Variants in USP42 observed in about 807,000 individuals in gnomAD.
USP42 encodes ubiquitin carboxyl-terminal hydrolase 42.
A neutral mutation model predicts 113.0 loss-of-function variants in USP42; 23 were observed. That is an observed-to-expected ratio of 0.20 (90% confidence interval 0.15 to 0.29). The LOEUF (loss-of-function observed/expected upper bound fraction) is 0.29, where lower values mean the gene tolerates loss of function less well. Ranked by LOEUF, USP42 falls within the 10% of genes least tolerant of loss-of-function variation. The pLI, the probability that USP42 is intolerant of heterozygous loss-of-function variation, is 1.00. For missense variants in USP42, 2,174 were observed against 1,779.8 expected (o/e 1.22, Z -3.99); for synonymous variants, 933 against 699.0 (o/e 1.33, Z -5.28).
intron 3 of USP42, 148 bp downstream of exon 3, chr7:6,115,671 A>C (rs1779872283): frequency 1.0e-6 from 1 of 966,860 alleles, no homozygotes; most frequent in Non-Finnish European, 1.5e-6. Flanking sequence ...AGGAGGACTC[A>C]GGATTGGGAT....
At chr7:6,128,433 T>G (rs1780660386) in intron 3 of USP42, among the ~76,000 whole-genome samples, 1 of 152,128 alleles carries the variant, frequency 6.6e-6, no homozygotes, top group Admixed American at 6.5e-5. Flanking sequence ...AGATAAAATT[T>G]TTTCCCTGCT....
At chr7:6,104,596 T>C (rs1413457895), upstream of USP42, among the ~76,000 whole-genome samples, 5 of 152,072 alleles carry the variant, frequency 3.3e-5, no homozygotes. Flanking sequence ...AAGCCCAAAG[T>C]CCTACGCCCG....
chr7:6,151,300 TTTC>T (rs1221610519), intron 14 of USP42, among the ~76,000 whole-genome samples: 1 of 152,264 alleles, frequency 6.6e-6, no homozygotes, highest in Non-Finnish European at 1.5e-5. Context: ...AAAAAATTGA[TTTC>T]TTCAATAGTA....
the USP42 span, among the ~76,000 whole-genome samples, chr7:6,094,215 C>T: frequency 1.3e-5 from 2 of 150,242 alleles, no homozygotes; most frequent in African/African-American, 5.0e-5. Context: ...GCTTTGTCAC[C>T]CAGGCTGGAG....
chr7:6,155,482 T>C lies in USP42; in HGVS notation c.3641+287T>C, dbSNP rs146261435. On this transcript the variant is annotated intron_variant, in intron 15 of 17. Transcript: ENST00000306177. ...TTTTTGGTGAATGCTTTATAACTCT[T>C]CCAGGAGTAAGCATGCAGTGTTCCA... 6.4e-3 allele frequency among the ~76,000 whole-genome samples: 969 copies of C among 152,358 alleles called. 7 individuals carry two copies. Among genetic ancestry groups the C allele is most frequent in the African/African-American group, 0.021 (853 of 41,590 alleles).
intron 3 of USP42, among the ~76,000 whole-genome samples, chr7:6,132,277 T>C (rs1178745174): frequency 1.3e-5 from 2 of 152,230 alleles, no homozygotes; most frequent in African/African-American, 4.8e-5. Flanking sequence ...TTCTGGCCTG[T>C]GCTGTGCCTG....
At chr7:6,155,230 G>C (rs1051888907) in intron 15 of USP42, 35 bp downstream of exon 15, 1 of 1,491,726 alleles carries the variant, frequency 6.7e-7, no homozygotes, top group African/African-American at 1.4e-5. Flanking sequence ...CGAGGCGCTG[G>C]CGCTGCTGTC....
At position 6,154,894 on chromosome 7, in the gene USP42, C is replaced by T. The variant is rs1424790765; in HGVS notation, c.3340C>T (p.Pro1114Ser). Residue 1114 changes from proline to serine, a missense_variant, in exon 15 of 18, where the codon CCC (proline) becomes TCC (serine). By Grantham distance (74) the Pro-to-Ser change is moderately conservative. Transcript: ENST00000306177. ...EPARERERHR[P>S]SSPRAGAPHA... Reference sequence around the variant, plus strand: ...GGCCCGGGAGAGGGAGCGGCACCGCCCCAGCAGCCCCCGCGCAGGCGCGCC... The same window carrying T: ...GGCCCGGGAGAGGGAGCGGCACCGCTCCAGCAGCCCCCGCGCAGGCGCGCC... 1 of 1,541,570 alleles carries T rather than the reference C, an allele frequency of 6.5e-7. No individual in the cohort carries two copies. Among genetic ancestry groups the T allele is most frequent in the Admixed American group, 2.0e-5 (1 of 49,978 alleles).
At chr7:6,134,130 A>G (rs1277347810) in intron 3 of USP42, among the ~76,000 whole-genome samples, 1 of 152,052 alleles carries the variant, frequency 6.6e-6, no homozygotes, top group Non-Finnish European at 1.5e-5. Flanking sequence ...TGACCTCGTG[A>G]TCTGCCCTCC....
intron 2 of USP42, among the ~76,000 whole-genome samples, chr7:6,114,678 ATTTTTTTTTTTT>A (rs869283400): frequency 2.2e-3 from 42 of 18,878 alleles, no homozygotes; most frequent in South Asian, 4.6e-3. Flanking sequence ...ATATATATAT[ATTTTTTTTTTTT>A]TTTTTTTTTT....
chr7:6,094,017 G>A, the USP42 span, among the ~76,000 whole-genome samples: 2 of 150,730 alleles, frequency 1.3e-5, no homozygotes, highest in African/African-American at 2.5e-5. Flanking sequence ...AGCCTCCTGA[G>A]TAGCTGGTGC....
At chr7:6,103,397 G>A (rs567895105), upstream of USP42, among the ~76,000 whole-genome samples, 53 of 150,542 alleles carry the variant, frequency 3.5e-4, 3 homozygotes, top group African/African-American at 1.2e-3. Flanking sequence ...TTAGCCGGGC[G>A]TGGTGGCGGG....
rs921258821 is a variant in USP42 at position 6,157,708 on chromosome 7, G to GT, written c.3943+654dup. On this transcript the variant is annotated intron_variant, in intron 16 of 17. Coordinates refer to ENST00000306177, the MANE Select transcript of USP42 (RefSeq NM_032172.3). The surrounding 1 kb of genome is among the most constrained non-coding windows in gnomAD (Gnocchi z 4.1). Reference sequence around the variant, plus strand: ...AATCCTTAAACCTGTAGCATTCTGAGTGCACCCTGATGCTCGGTACTGATT... The same window carrying GT: ...AATCCTTAAACCTGTAGCATTCTGAGTTGCACCCTGATGCTCGGTACTGATT... Among the ~76,000 whole-genome samples, 2 of 152,210 alleles carry GT rather than the reference G, an allele frequency of 1.3e-5. No homozygotes were observed. Among genetic ancestry groups the GT allele is most frequent in the Non-Finnish European group, 2.9e-5 (2 of 68,042 alleles).
Position 6,150,480 on chromosome 7 carries a change from A to T in USP42, c.2175A>T (p.Lys725Asn). 6.2e-7 allele frequency: 1 copy of T among 1,613,944 alleles called. No homozygotes were observed. The highest frequency in any genetic ancestry group is 8.5e-7 in the Non-Finnish European group (1 of 1,179,864). ...KILETFRLSN[K>N]LKGSTDEMSA... The stretch of plus-strand genomic sequence containing the variant: ...TAGAGACCTTCAGGCTTAGCAACAA[A>T]CTGAAAGGCTCGACGGATGAAATGA... The change falls in exon 14 of 18, where the codon AAA becomes AAT. Residue 725 changes from lysine (K) to asparagine (N), a missense_variant. Physicochemically the swap from Lys to Asn is moderately conservative, Grantham distance 94. Coordinates refer to ENST00000306177, the MANE Select transcript of USP42 (RefSeq NM_032172.3).
Position 6,150,481 on chromosome 7 carries a change from C to G in USP42, c.2176C>G (p.Leu726Val). Residue 726 changes from leucine (L) to valine (V), a missense_variant, in exon 14 of 18, where the codon CTG becomes GTG. By Grantham distance (32) the Leu-to-Val change is conservative. Transcript: ENST00000306177. ...AGAGACCTTCAGGCTTAGCAACAAACTGAAAGGCTCGACGGATGAAATGAG... is the reference window on the plus strand; with the variant it reads ...AGAGACCTTCAGGCTTAGCAACAAAGTGAAAGGCTCGACGGATGAAATGAG... ...ILETFRLSNK[L>V]KGSTDEMSAP... The G allele has an allele frequency of 1.2e-6, 2 of 1,613,946 alleles. No individual in the cohort carries two copies. The highest frequency in any genetic ancestry group is 1.1e-5 in the South Asian group (1 of 91,082).
At position 6,147,901 on chromosome 7, in the gene USP42, C is replaced by A. The variant is rs1411360431; in HGVS notation, c.1386+9C>A. 1.3e-6 allele frequency: 2 copies of A among 1,574,270 alleles called. No homozygotes were observed. The highest frequency in any genetic ancestry group is 1.7e-6 in the Non-Finnish European group (2 of 1,156,356). On this transcript the variant is annotated intron_variant, in intron 12 of 17. Transcript: ENST00000306177. The stretch of plus-strand genomic sequence containing the variant: ...CCTCTCACATGATAAAGGTAACAGT[C>A]CTTAGGGAGAAGAACATTTTTATGT...
At chr7:6,088,542 C>T in the USP42 span, among the ~76,000 whole-genome samples, 1 of 151,232 alleles carries the variant, frequency 6.6e-6, no homozygotes, top group Non-Finnish European at 1.5e-5. Flanking sequence ...CAGGCATGAG[C>T]CACCGTGCAT....
chr7:6,154,817 T>G lies in USP42; in HGVS notation c.3263T>G (p.Leu1088Arg), dbSNP rs1479508089. 6.5e-7 allele frequency: 1 copy of G among 1,542,934 alleles called. No homozygotes were observed. The highest frequency in any genetic ancestry group is 8.7e-7 in the Non-Finnish European group (1 of 1,142,988). ...HGGREHERAGLHERPHKDHNR... is the reference protein window; with the variant it reads ...HGGREHERAGRHERPHKDHNR... ...GGCCGCGAGCACGAGCGGGCCGGGC[T>G]GCACGAGCGGCCGCACAAGGACCAC... The change falls in exon 15 of 18, where the codon CTG (leucine) becomes CGG (arginine). Residue 1088 changes from leucine to arginine, a missense_variant. Physicochemically the swap from Leu to Arg is moderately radical, Grantham distance 102. Transcript: ENST00000306177.
chr7:6,146,317 GAATTCA>G, intron 11 of USP42, 69 bp downstream of exon 11: 1 of 911,482 alleles, frequency 1.1e-6, no homozygotes, highest in Admixed American at 3.1e-5. Context: ...CAACATGTTT[GAATTCA>G]ATATTCAGTG....
Sources: gnomAD v4.1 joint callset for allele counts (sites outside exome capture counted in the v4.1 genomes callset) on GRCh38, gnomAD v4.1.1 for gene constraint, Gnocchi (gnomAD v3.1) non-coding constraint, MANE v1.5 for transcripts, NCBI Gene and HGNC (gene_info 2026-07-23, HGNC 2026-07-21) for gene names.